Variants in PCCB observed in about 807,000 individuals in gnomAD.
The protein encoded by PCCB is propionyl-CoA carboxylase beta chain, mitochondrial.
PCCB carries 43 observed loss-of-function variants against 60.7 expected under a neutral mutation model. The ratio of observed to expected loss-of-function variants is 0.71; its 90% CI spans 0.55 to 0.91. The LOEUF (loss-of-function observed/expected upper bound fraction) is 0.91, where lower values mean the gene tolerates loss of function less well. Among genes scored for constraint, PCCB ranks in the 40% least tolerant of loss-of-function variants. PCCB has a pLI of 0.00. For missense variants in PCCB, 766 were observed against 702.8 expected, an observed-to-expected ratio of 1.09 and a Z score of -1.02; for synonymous variants, 276 against 255.9, an observed-to-expected ratio of 1.08 and a Z score of -0.75.
chr3:136,291,494 T>A (rs1401043576), intron 6 of PCCB, among the ~76,000 whole-genome samples: 2 of 152,182 alleles, frequency 1.3e-5, no homozygotes, highest in Admixed American at 1.3e-4. Context: ...AGAGGAAGTG[T>A]TCTGTAGTCT....
At chr3:136,272,264 G>C (rs1376507517) in intron 5 of PCCB, among the ~76,000 whole-genome samples, 1 of 152,102 alleles carries the variant, frequency 6.6e-6, no homozygotes, top group Non-Finnish European at 1.5e-5. Flanking sequence ...TGGTTAGCTA[G>C]TATTTTGTTG....
In PCCB at chr3:136,250,436, C is replaced by A; in HGVS notation, c.61C>A (p.Leu21Ile). 1.9e-6 allele frequency: 3 copies of A among 1,596,984 alleles called. No homozygotes were observed. The highest frequency in any genetic ancestry group is 1.1e-5 in the South Asian group (1 of 88,900). Residue 21 changes from leucine to isoleucine, a missense_variant, in exon 1 of 15, where the codon CTC (leucine) becomes ATC (isoleucine). By Grantham distance (5) the Leu-to-Ile change is conservative. Coordinates refer to ENST00000251654, the MANE Select transcript of PCCB (RefSeq NM_000532.5). ...AAGGCTCAGCGTTCTGGCGAGCGGTCTCCGCGCCGCGGTCCGCAGCCTTTG... is the reference window on the plus strand; with the variant it reads ...AAGGCTCAGCGTTCTGGCGAGCGGTATCCGCGCCGCGGTCCGCAGCCTTTG... ...GARLSVLASG[L>I]RAAVRSLCSQ...
intron 1 of PCCB, chr3:136,251,144 C>T (rs1217888343): frequency 4.5e-6 from 2 of 447,912 alleles, no homozygotes; most frequent in Admixed American, 2.4e-5. Flanking sequence ...AGGCACGTGT[C>T]GGAAGCAGGT....
chr3:136,255,601 C>T, intron 1 of PCCB: 2 of 512,222 alleles, frequency 3.9e-6, no homozygotes, highest in East Asian at 7.3e-5. Flanking sequence ...CTTCTCTCTA[C>T]CTTTTCCTCG....
intron 10 of PCCB, among the ~76,000 whole-genome samples, chr3:136,319,586 C>T (rs184612105): frequency 9.9e-5 from 15 of 152,100 alleles, no homozygotes; most frequent in Admixed American, 2.6e-4. Context: ...TTAGTAGAGA[C>T]GGGGTTTCGC....
chr3:136,270,579 C>T (rs1942170043), intron 5 of PCCB, among the ~76,000 whole-genome samples: 1 of 152,148 alleles, frequency 6.6e-6, no homozygotes, highest in African/African-American at 2.4e-5. Context: ...GATCTCGGCT[C>T]ACTGCAGTCT....
At chr3:136,272,444 T>C (rs1481492777) in intron 5 of PCCB, among the ~76,000 whole-genome samples, 1 of 152,182 alleles carries the variant, frequency 6.6e-6, no homozygotes, top group African/African-American at 2.4e-5. Context: ...TACCAATTCT[T>C]TGAATATCTA....
At chr3:136,266,155 G>T (rs1250694252) in intron 5 of PCCB, among the ~76,000 whole-genome samples, 1 of 143,358 alleles carries the variant, frequency 7.0e-6, no homozygotes, top group Non-Finnish European at 1.5e-5. Flanking sequence ...TTGAGATGGA[G>T]TCTCACTCTG....
intron 6 of PCCB, 91 bp downstream of exon 6, chr3:136,284,038 G>T (rs1933228732): frequency 2.4e-6 from 2 of 821,448 alleles, no homozygotes; most frequent in Admixed American, 1.8e-5. Context: ...GATCTAGGTT[G>T]TTACCTGCAT....
chr3:136,263,688 A>AT (rs1941892890), intron 5 of PCCB, among the ~76,000 whole-genome samples: 1 of 151,908 alleles, frequency 6.6e-6, no homozygotes, highest in Admixed American at 6.6e-5. Context: ...TGCCTGTGTT[A>AT]TTTTTTGGTA....
At chr3:136,277,627 CA>C (rs1184370745) in intron 5 of PCCB, among the ~76,000 whole-genome samples, 27 of 152,084 alleles carry the variant, frequency 1.8e-4, no homozygotes, top group Non-Finnish European at 3.1e-4. Flanking sequence ...GTTCTCAGGT[CA>C]TTAGGGTAAT....
At chr3:136,258,286 G>C (rs1941729839) in intron 3 of PCCB, among the ~76,000 whole-genome samples, 1 of 152,180 alleles carries the variant, frequency 6.6e-6, no homozygotes, top group South Asian at 2.1e-4. Flanking sequence ...TGAGACAAGA[G>C]TTCCCACCCT....
At chr3:136,258,061 A>G (rs1276926953) in intron 3 of PCCB, among the ~76,000 whole-genome samples, 1 of 145,000 alleles carries the variant, frequency 6.9e-6, no homozygotes, top group Non-Finnish European at 1.6e-5. Context: ...AAATGCCGAA[A>G]TAGAAGGAAT....
At chr3:136,290,424 G>A (rs1444446067) in intron 6 of PCCB, among the ~76,000 whole-genome samples, 1 of 152,088 alleles carries the variant, frequency 6.6e-6, no homozygotes, top group East Asian at 1.9e-4. Context: ...TAGGCAAAAT[G>A]TTTTTTTCTT....
chr3:136,258,540 T>C (rs1447473703), intron 3 of PCCB, among the ~76,000 whole-genome samples: 1 of 152,154 alleles, frequency 6.6e-6, no homozygotes, highest in Non-Finnish European at 1.5e-5. Context: ...TAGGTGCTTT[T>C]TCTGGGGAGC....
At chr3:136,280,520 A>G (rs1321252619) in intron 5 of PCCB, among the ~76,000 whole-genome samples, 1 of 151,972 alleles carries the variant, frequency 6.6e-6, no homozygotes, top group African/African-American at 2.4e-5. Context: ...TAATTTTTGT[A>G]TATTTTGTAA....
At chr3:136,323,590 C>A (rs112116593) in intron 10 of PCCB, among the ~76,000 whole-genome samples, 1,721 of 152,210 alleles carry the variant, frequency 0.011, 29 homozygotes, top group East Asian at 0.047. Context: ...TCGAGACCAA[C>A]CTAGCCAATG....
chr3:136,295,538 G>A (rs1190718097), intron 7 of PCCB, among the ~76,000 whole-genome samples: 1 of 152,188 alleles, frequency 6.6e-6, no homozygotes, highest in East Asian at 1.9e-4. Context: ...TTGTCTCAGG[G>A]CTTTATTGGC....
At position 136,275,316 on chromosome 3, in the gene PCCB, T is replaced by G. The variant is rs1339396740; in HGVS notation, c.544-8521T>G. On this transcript the variant is annotated intron_variant, in intron 5 of 14. Transcript: ENST00000251654. ...TTATGATATCTATGTAGAAAATTTT[T>G]CCTTCATATTCTGAATTGTTTTTTA... is the stretch of plus-strand genomic sequence containing the variant. Among the ~76,000 whole-genome samples the G allele has an allele frequency of 7.2e-5, 11 of 152,162 alleles. No homozygotes were observed. In the East Asian group the frequency reaches 2.1e-3, roughly 29 times the overall value.
Sources: gnomAD v4.1 joint callset for allele counts (sites outside exome capture counted in the v4.1 genomes callset) on GRCh38, gnomAD v4.1.1 for gene constraint, MANE v1.5 for transcripts, NCBI Gene and HGNC (gene_info 2026-07-23, HGNC 2026-07-21) for gene names.